Variants in GALR2 observed in about 807,000 individuals in gnomAD.
GALR2 encodes galanin receptor type 2.
A neutral mutation model predicts 7.2 loss-of-function variants in GALR2; 5 were observed. That is an observed-to-expected ratio of 0.69 (90% CI 0.36 to 1.45). The LOEUF is 1.45. Ranked by LOEUF, GALR2 falls within the 40% of genes most tolerant of loss-of-function variation. The pLI is 0.03. For missense variants in GALR2, 561 were observed against 555.7 expected (o/e 1.01, Z -0.10); for synonymous variants, 300 against 263.9 (o/e 1.14, Z -1.32).
At position 76,076,071 on chromosome 17, in the gene GALR2, C is replaced by G. The variant is rs1021920234; in HGVS notation, c.369-565C>G. Among the ~76,000 whole-genome samples the G allele has an allele frequency of 6.6e-6, 1 of 152,248 alleles. No individual in the cohort carries two copies. Among genetic ancestry groups the G allele is most frequent in the Non-Finnish European group, 1.5e-5 (1 of 68,044 alleles). ...CTCTGGAAAAACAGAGAGGCGAGGCCAGACTGCCCCCACACCTCCTGTAGC... is the reference window on the plus strand; with the variant it reads ...CTCTGGAAAAACAGAGAGGCGAGGCGAGACTGCCCCCACACCTCCTGTAGC... On this transcript the variant is annotated intron_variant, in intron 1 of 1. Coordinates refer to ENST00000329003, the MANE Select transcript of GALR2 (RefSeq NM_003857.4). The surrounding 1 kb of genome is among the most constrained non-coding windows in gnomAD (Gnocchi z 6.5).
At position 76,076,729 on chromosome 17, in the gene GALR2, G is replaced by C; in HGVS notation, c.462G>C (p.Leu154=). 6.2e-7 allele frequency: 1 copy of C among 1,604,904 alleles called. No individual in the cohort carries two copies. The highest frequency in any genetic ancestry group is 8.5e-7 in the Non-Finnish European group (1 of 1,179,750). ...AAIGLIWGLS[L]LFSGPYLSYY... ...TCGGGCTCATCTGGGGGCTGTCGCT[G>C]CTCTTCTCCGGGCCCTACCTGAGCT... Residue 154 remains leucine, a synonymous_variant, in exon 2 of 2, where the codon CTG becomes CTC. Transcript: ENST00000329003. The surrounding 1 kb of genome is among the most constrained non-coding windows in gnomAD (Gnocchi z 6.5).
rs767635340 is a variant in GALR2, at chr17:76,076,681, G to A, written c.414G>A (p.Thr138=). The A allele has an allele frequency of 4.4e-6, 7 of 1,599,310 alleles. No homozygotes were observed. The highest frequency in any genetic ancestry group is 4.0e-5 in the African/African-American group (3 of 74,882). Residue 138 remains threonine, a synonymous_variant, in exon 2 of 2, where the codon ACG becomes ACA. Transcript: ENST00000329003. The surrounding 1 kb of genome is among the most constrained non-coding windows in gnomAD (Gnocchi z 6.5). The part of the protein sequence containing the change: ...RYPLHSRELR[T]PRNALAAIGL... Reference sequence around the variant, plus strand: ...CGCTGCACTCCCGCGAGCTGCGCACGCCTCGAAACGCGCTGGCAGCCATCG... The same window carrying A: ...CGCTGCACTCCCGCGAGCTGCGCACACCTCGAAACGCGCTGGCAGCCATCG...
At chr17:76,072,402 T>G, upstream of GALR2, 1 of 1,586,974 alleles carries the variant, frequency 6.3e-7, no homozygotes, top group Middle Eastern at 2.0e-4. This position sits in a 1 kb window ranked among gnomAD's most constrained non-coding sequence, Gnocchi z 4.5. Flanking sequence ...CGGCACCACG[T>G]CCACCGCCGC....
upstream of GALR2, chr17:76,072,547 G>T (rs531006008): frequency 6.5e-7 from 1 of 1,547,022 alleles, no homozygotes; most frequent in African/African-American, 1.4e-5. This position sits in a 1 kb window ranked among gnomAD's most constrained non-coding sequence, Gnocchi z 4.5. Context: ...GACCTGGGCG[G>T]GTGAGAGCTG....
rs116466433 is a variant in GALR2, at chr17:76,075,332, G to A, written c.368+81G>A. 756 of 1,448,922 alleles carry A rather than the reference G, an allele frequency of 5.2e-4. 4 individuals carry two copies. In the African/African-American group the frequency reaches 9.4e-3, roughly 18 times the overall value. The allele number at this position is 1,448,922 out of a possible 1,614,324, so 89.8% of individuals were successfully genotyped here. ...GGGAGGCGGGACTGGGGACCAAGAA[G>A]GGACGCGCAGAGTGGGACAGGACAC... On this transcript the variant is annotated intron_variant, in intron 1 of 1. Transcript: ENST00000329003. The surrounding 1 kb of genome is among the most constrained non-coding windows in gnomAD (Gnocchi z 5.9).
chr17:76,074,630 G>C (rs749892059), upstream of GALR2, among the ~76,000 whole-genome samples: 94 of 152,330 alleles, frequency 6.2e-4, no homozygotes, highest in South Asian at 1.4e-3. The surrounding 1 kb of genome is among the most constrained non-coding windows in gnomAD (Gnocchi z 6.7). Context: ...CGTGGAATGC[G>C]CGCCGGGACC....
At chr17:76,073,325 C>T (rs572734955), upstream of GALR2, among the ~76,000 whole-genome samples, 36 of 142,392 alleles carry the variant, frequency 2.5e-4, no homozygotes, top group African/African-American at 7.7e-4. Flanking sequence ...GATAGAGTTT[C>T]GCTCTTGTTG....
Position 76,076,419 on chromosome 17 carries a change from GC to G in GALR2, c.369-213del, listed in dbSNP as rs1289214765. On this transcript the variant is annotated intron_variant, in intron 1 of 1. Coordinates refer to ENST00000329003, the MANE Select transcript of GALR2 (RefSeq NM_003857.4). This position sits in a 1 kb window ranked among gnomAD's most constrained non-coding sequence, Gnocchi z 6.5. Reference sequence around the variant, plus strand: ...GCACACCTTTCCTGCTGCCGGGCCCGCCCCATTTCCAGGCTCCGCTGAGTGT... The same window carrying G: ...GCACACCTTTCCTGCTGCCGGGCCCGCCCATTTCCAGGCTCCGCTGAGTGT... 6.6e-6 allele frequency among the ~76,000 whole-genome samples: 1 copy of G among 152,128 alleles called. No homozygotes were observed. The highest frequency in any genetic ancestry group is 1.5e-5 in the Non-Finnish European group (1 of 68,006).
chr17:76,075,840 C>G lies in GALR2; in HGVS notation c.368+589C>G, dbSNP rs2066885977. 6.6e-6 allele frequency among the ~76,000 whole-genome samples: 1 copy of G among 152,212 alleles called. No homozygotes were observed. The highest frequency in any genetic ancestry group is 1.5e-5 in the Non-Finnish European group (1 of 68,040). The stretch of plus-strand genomic sequence containing the variant: ...AGGTCCCTAGCTCAGTCCCAGCCCA[C>G]TCTGCCTCTCGCCTCCAAACAAAAC... On this transcript the variant is annotated intron_variant, in intron 1 of 1. Coordinates refer to ENST00000329003, the MANE Select transcript of GALR2 (RefSeq NM_003857.4). The surrounding 1 kb of genome is among the most constrained non-coding windows in gnomAD (Gnocchi z 5.9).
At position 76,076,630 on chromosome 17, in the gene GALR2, C is replaced by T. The variant is rs1272682391; in HGVS notation, c.369-6C>T. ...GCCGACGTCTCCCTTCCCGGTCTGA[C>T]CGCAGGTATCTGGCCATCCGCTACC... On this transcript the variant is annotated splice_region_variant and splice_polypyrimidine_tract_variant and intron_variant, in intron 1 of 1. Coordinates refer to ENST00000329003, the MANE Select transcript of GALR2 (RefSeq NM_003857.4). The surrounding 1 kb of genome is among the most constrained non-coding windows in gnomAD (Gnocchi z 6.5). 6 of 1,566,018 alleles carry T rather than the reference C, an allele frequency of 3.8e-6. No individual in the cohort carries two copies. The highest frequency in any genetic ancestry group is 5.2e-6 in the Non-Finnish European group (6 of 1,159,480).
upstream of GALR2, chr17:76,072,704 A>G: frequency 1.1e-6 from 1 of 910,388 alleles, no homozygotes; most frequent in Non-Finnish European, 1.6e-6. The surrounding 1 kb of genome is among the most constrained non-coding windows in gnomAD (Gnocchi z 4.5). Context: ...TGGGGACTTG[A>G]GGCCGCAGTG....
rs1334788627 is a variant in GALR2, at chr17:76,074,850, C to CAGG, written c.-31_-29dup. 46 of 1,463,576 alleles carry CAGG rather than the reference C, an allele frequency of 3.1e-5. No homozygotes were observed. Among genetic ancestry groups the CAGG allele is most frequent in the Non-Finnish European group, 4.1e-5 (46 of 1,112,656 alleles). The allele number at this position is 1,463,576 out of a possible 1,614,324, so 90.7% of individuals were successfully genotyped here. Reference sequence around the variant, plus strand: ...CCGCTCGCGGAGACCCAGACGGCTGCAGGAGCCCGGGCAGCCTCGGGGTCA... The same window carrying CAGG: ...CCGCTCGCGGAGACCCAGACGGCTGCAGGAGGAGCCCGGGCAGCCTCGGGGTCA... On this transcript the variant is annotated 5_prime_UTR_variant, in exon 1 of 2. Transcript: ENST00000329003. This position sits in a 1 kb window ranked among gnomAD's most constrained non-coding sequence, Gnocchi z 6.7.
At chr17:76,073,672 T>C (rs2066873025), upstream of GALR2, among the ~76,000 whole-genome samples, 1 of 149,434 alleles carries the variant, frequency 6.7e-6, no homozygotes, top group Non-Finnish European at 1.5e-5. Context: ...TGCATTCAGA[T>C]TTAACTAACT....
upstream of GALR2, chr17:76,072,251 C>G: frequency 6.2e-7 from 1 of 1,602,212 alleles, no homozygotes; most frequent in Admixed American, 1.7e-5. This position sits in a 1 kb window ranked among gnomAD's most constrained non-coding sequence, Gnocchi z 4.5. Context: ...CTCCCGCCCC[C>G]AGCCCTCCAG....
At chr17:76,072,780 A>T, upstream of GALR2, 1 of 552,410 alleles carries the variant, frequency 1.8e-6, no homozygotes, top group South Asian at 2.4e-5. This position sits in a 1 kb window ranked among gnomAD's most constrained non-coding sequence, Gnocchi z 4.5. Context: ...GGAGAACCGG[A>T]GGTGGACCCC....
Position 76,077,199 on chromosome 17 carries a change from TGGGCCGTGCCCCAGGCCGAGCCTC to T in GALR2, c.941_964del (p.Ala314_Arg321del). On this transcript the variant is annotated inframe_deletion, in exon 2 of 2. Transcript: ENST00000329003. ...TTCCGCACGATCTGCGCGGGCCTGCTGGGCCGTGCCCCAGGCCGAGCCTCGGGCCGTGTGTGCGCTGCCGCGCGG... is the reference window on the plus strand; with the variant it reads ...TTCCGCACGATCTGCGCGGGCCTGCTGGGCCGTGTGTGCGCTGCCGCGCGG... The T allele has an allele frequency of 6.2e-7, 1 of 1,609,580 alleles. No individual in the cohort carries two copies. The highest frequency in any genetic ancestry group is 8.5e-7 in the Non-Finnish European group (1 of 1,178,668).
In GALR2 at chr17:76,077,113, C is replaced by T. The variant is rs1294642085; in HGVS notation, c.846C>T (p.Tyr282=). The change falls in exon 2 of 2, where the codon TAC becomes TAT. Residue 282 remains tyrosine, a synonymous_variant. Transcript: ENST00000329003. Reference sequence around the variant, plus strand: ...GCATCCTCTCGCACCTGGTCTCCTACGCCAACTCCTGCGTCAACCCCATCG... The same window carrying T: ...GCATCCTCTCGCACCTGGTCTCCTATGCCAACTCCTGCGTCAACCCCATCG... ...ALRILSHLVS[Y]ANSCVNPIVY... is the part of the protein sequence containing the mutation. The T allele has an allele frequency of 1.9e-6, 3 of 1,613,044 alleles. No individual in the cohort carries two copies. The highest frequency in any genetic ancestry group is 1.7e-6 in the Non-Finnish European group (2 of 1,179,890).
Position 76,074,982 on chromosome 17 carries a change from G to T in GALR2, c.99G>T (p.Ala33=). Residue 33 remains alanine, a synonymous_variant, in exon 1 of 2, where the codon GCG becomes GCT. Coordinates refer to ENST00000329003, the MANE Select transcript of GALR2 (RefSeq NM_003857.4). This position sits in a 1 kb window ranked among gnomAD's most constrained non-coding sequence, Gnocchi z 6.7. ...PEAVIVPLLF[A]LIFLVGTVGN... ...CGGTCATCGTGCCCCTGCTCTTCGC[G>T]CTCATCTTCCTCGTGGGCACCGTGG... The T allele has an allele frequency of 1.2e-6, 2 of 1,603,506 alleles. No individual in the cohort carries two copies. Among genetic ancestry groups the T allele is most frequent in the Non-Finnish European group, 1.7e-6 (2 of 1,179,220 alleles).
At chr17:76,072,291 C>A, upstream of GALR2, 1 of 1,608,508 alleles carries the variant, frequency 6.2e-7, no homozygotes, top group African/African-American at 1.4e-5. The surrounding 1 kb of genome is among the most constrained non-coding windows in gnomAD (Gnocchi z 4.5). Context: ...GAGTTAGGCC[C>A]GATTACTCTA....
Sources: gnomAD v4.1 joint callset for allele counts (sites outside exome capture counted in the v4.1 genomes callset) on GRCh38, gnomAD v4.1.1 for gene constraint, Gnocchi (gnomAD v3.1) non-coding constraint, MANE v1.5 for transcripts, NCBI Gene and HGNC (gene_info 2026-07-23, HGNC 2026-07-21) for gene names.